DNAH9: variants seen among roughly 807,000 people sequenced by gnomAD.
DNAH9 encodes DNAH9 variant protein.
Under a neutral mutation model 471.6 loss-of-function variants are expected in DNAH9, and 345 were observed. That is an observed-to-expected ratio of 0.73 (90% CI 0.67 to 0.80). DNAH9 has a LOEUF of 0.80. Among genes scored for constraint, DNAH9 ranks in the 30% least tolerant of loss-of-function variants. DNAH9 has a pLI of 0.00. For synonymous variants in DNAH9, 2,093 were observed against 2,123.6 expected (o/e 0.99, Z 0.40); for missense variants, 5,407 against 5,609.2 (o/e 0.96, Z 1.15).
rs1462619973 is a variant in DNAH9, at chr17:11,742,170, C to T, written c.5973-5C>T. On this transcript the variant is annotated splice_region_variant and splice_polypyrimidine_tract_variant and intron_variant, in intron 29 of 68. Coordinates refer to ENST00000262442, the MANE Select transcript of DNAH9 (RefSeq NM_001372.4). ...TGACTGGGCCTTCTGTCTTTCTATACTCAGGCCTTGTGCAATGGTGGTTCC... is the reference window on the plus strand; with the variant it reads ...TGACTGGGCCTTCTGTCTTTCTATATTCAGGCCTTGTGCAATGGTGGTTCC... 3.1e-6 allele frequency: 5 copies of T among 1,613,892 alleles called. No individual in the cohort carries two copies. Among genetic ancestry groups the T allele is most frequent in the Non-Finnish European group, 4.2e-6 (5 of 1,179,832 alleles).
intron 49 of DNAH9, among the ~76,000 whole-genome samples, chr17:11,848,425 T>G (rs1971298182): frequency 6.6e-6 from 1 of 151,940 alleles, no homozygotes; most frequent in South Asian, 2.1e-4. Context: ...AAATAATATT[T>G]CCCAGTGTTG....
Position 11,784,204 on chromosome 17 carries a change from G to T in DNAH9, c.7822-96G>T, listed in dbSNP as rs7215021. On this transcript the variant is annotated intron_variant, in intron 40 of 68. Transcript: ENST00000262442. ...ATGGGACCAAAATATAGATTCGAAG[G>T]CTGTATAAGAATTTTCTGTTATCTC... 0.084 allele frequency: 131,581 copies of T among 1,561,432 alleles called. 6,180 individuals are homozygous for T. Among genetic ancestry groups the T allele is most frequent in the African/African-American group, 0.16 (11,682 of 73,562 alleles).
chr17:11,672,577 C>T (rs2150732081), intron 17 of DNAH9, among the ~76,000 whole-genome samples: 1 of 152,312 alleles, frequency 6.6e-6, no homozygotes, highest in South Asian at 2.1e-4. Flanking sequence ...TGCCTTGCTG[C>T]CATTAGTCCC....
intron 6 of DNAH9, among the ~76,000 whole-genome samples, chr17:11,625,665 C>A (rs1173180762): frequency 6.6e-6 from 1 of 152,172 alleles, no homozygotes; most frequent in Admixed American, 6.5e-5. Flanking sequence ...GATTCTTCAT[C>A]TCAGGGGCCA....
At chr17:11,613,237 G>GT (rs2072673762) in intron 4 of DNAH9, among the ~76,000 whole-genome samples, 1 of 152,146 alleles carries the variant, frequency 6.6e-6, no homozygotes, top group South Asian at 2.1e-4. Context: ...TTTGTTCCCA[G>GT]TTTACACTTC....
chr17:11,843,190 C>T (rs1226649776), intron 49 of DNAH9, among the ~76,000 whole-genome samples: 6 of 151,834 alleles, frequency 4.0e-5, no homozygotes, highest in Non-Finnish European at 8.8e-5. Flanking sequence ...CTAGCCAATG[C>T]AATAATAAAT....
chr17:11,770,411 T>C (rs1384535400), intron 38 of DNAH9, among the ~76,000 whole-genome samples: 3 of 151,660 alleles, frequency 2.0e-5, no homozygotes, highest in Admixed American at 6.6e-5. Context: ...CCAGCTCTTG[T>C]AGGATTAGGG....
Position 11,937,484 on chromosome 17 carries a change from C to T in DNAH9, c.12622C>T (p.Gln4208Ter), listed in dbSNP as rs777390034. 6.2e-7 allele frequency: 1 copy of T among 1,613,828 alleles called. No homozygotes were observed. Among genetic ancestry groups the T allele is most frequent in the South Asian group, 1.1e-5 (1 of 91,054 alleles). ...GCTGGAGCTGCAGCCTCGGGACAGC[C>T]AGGCCAGAGACGGAGCGGGCGCCAC... The part of the protein sequence containing the change: ...TVLELQPRDS[Q>*]ARDGAGATRE... The change falls in exon 66 of 69, where the codon CAG becomes TAG. Residue 4208 changes from glutamine to a stop codon, truncating the protein, a stop_gained. Coordinates refer to ENST00000262442, the MANE Select transcript of DNAH9 (RefSeq NM_001372.4). LOFTEE classifies it high-confidence loss of function. The surrounding 1 kb of genome is among the most constrained non-coding windows in gnomAD (Gnocchi z 4.1).
intron 19 of DNAH9, among the ~76,000 whole-genome samples, chr17:11,684,326 T>G (rs2074196395): frequency 6.6e-6 from 1 of 152,210 alleles, no homozygotes; most frequent in East Asian, 1.9e-4. Flanking sequence ...GTTGAGGTTC[T>G]TCATGTCCAA....
chr17:11,615,157 A>G (rs140961761), intron 4 of DNAH9, among the ~76,000 whole-genome samples: 28 of 152,342 alleles, frequency 1.8e-4, no homozygotes, highest in African/African-American at 5.0e-4. Flanking sequence ...AATACTGGGA[A>G]TATTTATACC....
intron 28 of DNAH9, among the ~76,000 whole-genome samples, chr17:11,738,617 G>T (rs954992957): frequency 1.1e-4 from 17 of 152,164 alleles, no homozygotes; most frequent in African/African-American, 4.1e-4. Flanking sequence ...TTGACCTCGA[G>T]TGATCTGCCC....
chr17:11,943,547 T>A (rs1975013707), intron 67 of DNAH9, among the ~76,000 whole-genome samples: 1 of 151,992 alleles, frequency 6.6e-6, no homozygotes, highest in African/African-American at 2.4e-5. Context: ...CGTGGCGGTG[T>A]GCACCTGTAG....
At chr17:11,834,938 G>A (rs752772732) in intron 49 of DNAH9, 40 bp downstream of exon 49, 12 of 1,595,744 alleles carry the variant, frequency 7.5e-6, no homozygotes, top group South Asian at 3.4e-5. Flanking sequence ...TCCCTCAGGG[G>A]CTGGTAGACG....
At position 11,863,433 on chromosome 17, in the gene DNAH9, T is replaced by C. The variant is rs1444738461; in HGVS notation, c.9934-5701T>C. Among the ~76,000 whole-genome samples the C allele has an allele frequency of 2.6e-5, 4 of 152,216 alleles. No homozygotes were observed. The East Asian group carries it at 5.8e-4, about 22-fold the overall frequency. ...CTGGATTCGGTTTGCCAGTATTTTATTGAGGATTTTTGCATCCATGTTCAT... is the reference window on the plus strand; with the variant it reads ...CTGGATTCGGTTTGCCAGTATTTTACTGAGGATTTTTGCATCCATGTTCAT... On this transcript the variant is annotated intron_variant, in intron 50 of 68. Coordinates refer to ENST00000262442, the MANE Select transcript of DNAH9 (RefSeq NM_001372.4).
chr17:11,927,382 A>G (rs1226569363), intron 62 of DNAH9, among the ~76,000 whole-genome samples: 1 of 152,078 alleles, frequency 6.6e-6, no homozygotes, highest in African/African-American at 2.4e-5. Context: ...GGGTTCTTAT[A>G]GTTTTGGATT....
chr17:11,624,022 G>A (rs992227460), intron 6 of DNAH9, among the ~76,000 whole-genome samples: 3 of 152,088 alleles, frequency 2.0e-5, no homozygotes, highest in Non-Finnish European at 1.5e-5. Flanking sequence ...AGTATTTTTC[G>A]GTGTCTGCAG....
Position 11,598,471 on chromosome 17 carries a change from A to G in DNAH9, c.-28A>G. 7.4e-7 allele frequency: 1 copy of G among 1,345,938 alleles called. No homozygotes were observed. Among genetic ancestry groups the G allele is most frequent in the South Asian group, 1.8e-5 (1 of 54,072 alleles). 83.4% of individuals were successfully genotyped at this position (1,345,938 alleles called of 1,614,324 possible). ...CCTGGCCGCGTCCCCGTCGCTAGGG[A>G]AACCGATGCAGCTGGAGGCCGCGCG... On this transcript the variant is annotated 5_prime_UTR_variant, in exon 1 of 69. Coordinates refer to ENST00000262442, the MANE Select transcript of DNAH9 (RefSeq NM_001372.4).
At chr17:11,614,999 CAAAG>C (rs1376890166) in intron 4 of DNAH9, among the ~76,000 whole-genome samples, 1 of 152,100 alleles carries the variant, frequency 6.6e-6, no homozygotes, top group African/African-American at 2.4e-5. Flanking sequence ...AGAAGGCACA[CAAAG>C]AAGGGCTGTC....
intron 12 of DNAH9, among the ~76,000 whole-genome samples, chr17:11,649,604 T>G (rs981321985): frequency 6.6e-5 from 10 of 152,218 alleles, no homozygotes; most frequent in African/African-American, 2.4e-4. Flanking sequence ...AGACTTTTCA[T>G]GTATATTATC....
Sources: gnomAD v4.1 joint callset for allele counts (sites outside exome capture counted in the v4.1 genomes callset) on GRCh38, gnomAD v4.1.1 for gene constraint, Gnocchi (gnomAD v3.1) non-coding constraint, MANE v1.5 for transcripts, NCBI Gene and HGNC (gene_info 2026-07-23, HGNC 2026-07-21) for gene names.